SRGAP1: variants seen among roughly 807,000 people sequenced by gnomAD.
SRGAP1 encodes the protein SLIT-ROBO Rho GTPase activating protein 1.
Under a neutral mutation model 121.9 loss-of-function variants are expected in SRGAP1, and 43 were observed. The observed-to-expected ratio is 0.35, with a 90% confidence interval of 0.28 to 0.46. The LOEUF is 0.46. SRGAP1 is among the 20% of genes least tolerant of loss of function. The pLI is 1.00. For synonymous variants in SRGAP1, 447 were observed against 485.4 expected (o/e 0.92, Z 1.04); for missense variants, 1,102 against 1,350.9 (o/e 0.82, Z 2.89).
intron 21 of SRGAP1, among the ~76,000 whole-genome samples, chr12:64,137,961 A>AAAAAAATAT (rs372355390): frequency 1.5e-4 from 21 of 139,674 alleles, no homozygotes; most frequent in South Asian, 4.5e-4. Context: ...TTAAAAAAAA[A>AAAAAAATAT]ATATATATAT....
At chr12:64,134,106 A>C (rs1357864555) in intron 21 of SRGAP1, among the ~76,000 whole-genome samples, 1 of 152,176 alleles carries the variant, frequency 6.6e-6, no homozygotes, top group Non-Finnish European at 1.5e-5. Flanking sequence ...TACAGAGAAC[A>C]GCAATTACAG....
At chr12:64,114,682 C>T (rs920667954) in intron 17 of SRGAP1, among the ~76,000 whole-genome samples, 3 of 152,084 alleles carry the variant, frequency 2.0e-5, no homozygotes, top group Non-Finnish European at 2.9e-5. Context: ...AGGGCTATGT[C>T]AGTAAGCTCT....
At chr12:63,856,496 G>T (rs1899256207) in intron 1 of SRGAP1, among the ~76,000 whole-genome samples, 1 of 152,034 alleles carries the variant, frequency 6.6e-6, no homozygotes, top group South Asian at 2.1e-4. Context: ...TGTGAGCTAG[G>T]AATTTTGTTA....
rs1040793114 is a variant in SRGAP1, at chr12:64,156,404, T to C, written c.*13732T>C. The C allele has an allele frequency of 3.9e-5, 6 of 152,238 alleles. No individual in the cohort carries two copies. Among genetic ancestry groups the C allele is most frequent in the Non-Finnish European group, 8.8e-5 (6 of 68,044 alleles). The allele number at this position is 152,238 out of a possible 1,614,324, so 9.4% of individuals were successfully genotyped here. On this transcript the variant is annotated 3_prime_UTR_variant, in exon 22 of 22. Transcript: ENST00000355086. ...ATTTTCATAGCTATATGATATTCTA[T>C]CCCATTTCCAGTGTTTTTGCTCTTT...
chr12:64,079,496 T>C (rs1220288659), intron 9 of SRGAP1, among the ~76,000 whole-genome samples: 1 of 148,316 alleles, frequency 6.7e-6, no homozygotes, highest in Non-Finnish European at 1.5e-5. Flanking sequence ...TATTTATATA[T>C]ATTTATATAT....
Position 63,919,667 on chromosome 12 carries a change from T to C in SRGAP1, c.68-64280T>C, listed in dbSNP as rs999671113. On this transcript the variant is annotated intron_variant, in intron 1 of 21. Transcript: ENST00000355086. ...CTGCCCCATCCCATATACCTGCCTATCTTTTGAAGCAACTACTTCCTAATT... is the reference window on the plus strand; with the variant it reads ...CTGCCCCATCCCATATACCTGCCTACCTTTTGAAGCAACTACTTCCTAATT... Among the ~76,000 whole-genome samples, 6 of 152,242 alleles carry C rather than the reference T, an allele frequency of 3.9e-5. 1 individual carries two copies. In the South Asian group the frequency reaches 1.2e-3, roughly 32 times the overall value.
At chr12:64,087,065 CT>C in intron 11 of SRGAP1, 39 bp downstream of exon 11, 3 of 1,481,910 alleles carry the variant, frequency 2.0e-6, no homozygotes, top group Non-Finnish European at 1.9e-6. Flanking sequence ...GCGTATTTTA[CT>C]TTCTCTTTAA....
At chr12:63,950,068 C>T (rs145162306) in intron 1 of SRGAP1, among the ~76,000 whole-genome samples, 2 of 152,242 alleles carry the variant, frequency 1.3e-5, no homozygotes, top group Admixed American at 6.5e-5. Context: ...CTCAGGCTGC[C>T]GGTTTGAAGA....
chr12:63,854,901 C>A (rs1302006072), intron 1 of SRGAP1, among the ~76,000 whole-genome samples: 1 of 152,184 alleles, frequency 6.6e-6, no homozygotes, highest in Non-Finnish European at 1.5e-5. Context: ...TGGGAATGTG[C>A]ATGTTCATCT....
chr12:64,152,911 T>TAAAAAAAAAAAAAA lies in SRGAP1; in HGVS notation c.*10251_*10264dup, dbSNP rs57320190. The TAAAAAAAAAAAAAA allele has an allele frequency of 1.1e-5, 1 of 89,912 alleles. No homozygotes were observed. 5.6% of individuals were successfully genotyped at this position (89,912 alleles called of 1,614,324 possible). A position where few individuals can be genotyped will look rare whatever the true frequency, so the allele number is the denominator to read the frequency against. On this transcript the variant is annotated 3_prime_UTR_variant, in exon 22 of 22. Transcript: ENST00000355086. Reference sequence around the variant, plus strand: ...ATGGAGTGTACTTCCTGGTATGATTTAAAAAAAAAAAAAAAAAAAAAAAAA... The same window carrying TAAAAAAAAAAAAAA: ...ATGGAGTGTACTTCCTGGTATGATTTAAAAAAAAAAAAAAAAAAAAAAAAAAAAAAAAAAAAAAA...
At chr12:64,036,747 C>A (rs570992927) in intron 4 of SRGAP1, among the ~76,000 whole-genome samples, 1 of 152,270 alleles carries the variant, frequency 6.6e-6, no homozygotes, top group African/African-American at 2.4e-5. Flanking sequence ...AAGAACAATG[C>A]CAGATGCATT....
At chr12:64,086,287 C>T (rs2035937702) in intron 10 of SRGAP1, among the ~76,000 whole-genome samples, 1 of 152,212 alleles carries the variant, frequency 6.6e-6, no homozygotes. Context: ...CCGATAAACA[C>T]ATGCAAACTT....
chr12:63,971,773 T>G (rs11175220), intron 1 of SRGAP1, among the ~76,000 whole-genome samples: 1,656 of 152,150 alleles, frequency 0.011, 38 homozygotes, highest in African/African-American at 0.036. Context: ...GGTGTGTGTG[T>G]GTGTGTGTGT....
intron 1 of SRGAP1, among the ~76,000 whole-genome samples, chr12:63,889,627 C>T (rs563450904): frequency 2.0e-5 from 3 of 152,136 alleles, no homozygotes; most frequent in South Asian, 2.1e-4. Flanking sequence ...AAAAAAAATC[C>T]GGCCGAGTGT....
chr12:63,870,362 A>G (rs117222272), intron 1 of SRGAP1, among the ~76,000 whole-genome samples: 5,380 of 152,168 alleles, frequency 0.035, 147 homozygotes, highest in Middle Eastern at 0.085. Flanking sequence ...AAAACATAAG[A>G]AAAGGTAGTT....
At chr12:63,949,669 C>T (rs755568179) in intron 1 of SRGAP1, among the ~76,000 whole-genome samples, 23 of 152,020 alleles carry the variant, frequency 1.5e-4, no homozygotes, top group Non-Finnish European at 2.5e-4. Context: ...CCTCGTGATC[C>T]GCCCGCCTCG....
At chr12:64,071,871 C>T (rs1166846459) in intron 8 of SRGAP1, among the ~76,000 whole-genome samples, 2 of 143,990 alleles carry the variant, frequency 1.4e-5, no homozygotes, top group African/African-American at 2.6e-5. Context: ...CCTACCCTCA[C>T]CCCCCCCCAA....
intron 19 of SRGAP1, 46 bp downstream of exon 19, chr12:64,126,203 C>A: frequency 6.3e-7 from 1 of 1,577,186 alleles, no homozygotes; most frequent in Admixed American, 1.7e-5. Flanking sequence ...CAATAGAGGA[C>A]TCCAGCCATT....
At chr12:64,087,104 G>A in intron 11 of SRGAP1, 78 bp downstream of exon 11, 1 of 1,141,240 alleles carries the variant, frequency 8.8e-7, no homozygotes, top group Admixed American at 2.2e-5. Context: ...AATGCTGAAA[G>A]AATTAACATT....
Sources: allele counts gnomAD v4.1 joint callset (sites outside exome capture counted in the v4.1 genomes callset), GRCh38; gene constraint gnomAD v4.1.1; transcripts MANE v1.5; gene names NCBI Gene and HGNC (gene_info 2026-07-23, HGNC 2026-07-21).